GPA33: variants seen among roughly 807,000 people sequenced by gnomAD.
GPA33 encodes glycoprotein A33.
GPA33 carries 27 observed loss-of-function variants against 35.6 expected under a neutral mutation model. The ratio of observed to expected loss-of-function variants is 0.76; its 90% CI spans 0.56 to 1.04. GPA33 has a LOEUF of 1.04. Ranked by LOEUF, GPA33 falls within the 50% of genes least tolerant of loss-of-function variation. GPA33 has a pLI of 0.00. For missense variants in GPA33, 428 were observed against 411.9 expected (o/e 1.04, Z -0.34); for synonymous variants, 176 against 164.0 (o/e 1.07, Z -0.56).
At chr1:167,085,138 T>A (rs949943794) in intron 1 of GPA33, among the ~76,000 whole-genome samples, 1 of 152,112 alleles carries the variant, frequency 6.6e-6, no homozygotes, top group East Asian at 1.9e-4. Flanking sequence ...TGGGAATGGG[T>A]GGCAACTAAA....
At position 167,086,062 on chromosome 1, in the gene GPA33, G is replaced by A. The variant is rs78294089; in HGVS notation, c.43+4183C>T. On this transcript the variant is annotated intron_variant, in intron 1 of 6. Transcript: ENST00000367868. ...TTTGAACACCTAACCTTCTTAGACCGACCATTCATAACATCTTTTCTCCAT... is the reference window on the plus strand; with the variant it reads ...TTTGAACACCTAACCTTCTTAGACCAACCATTCATAACATCTTTTCTCCAT... Among the ~76,000 whole-genome samples, 683 of 152,284 alleles carry A rather than the reference G, an allele frequency of 4.5e-3. 5 individuals are homozygous for A. Among genetic ancestry groups the A allele is most frequent in the East Asian group, 0.024 (125 of 5,186 alleles).
intron 3 of GPA33, among the ~76,000 whole-genome samples, chr1:167,066,633 G>A (rs1270518061): frequency 6.6e-6 from 1 of 152,204 alleles, no homozygotes; most frequent in African/African-American, 2.4e-5. Flanking sequence ...ACACATGTGG[G>A]GCCCGTGAGA....
At position 167,068,964 on chromosome 1, in the gene GPA33, G is replaced by A. The variant is rs757682739; in HGVS notation, c.373C>T (p.Leu125=). 2.5e-6 allele frequency: 4 copies of A among 1,613,566 alleles called. No individual in the cohort carries two copies. In the African/African-American group the frequency reaches 4.0e-5, roughly 16 times the overall value. ...ACACGTGACTTGGTGTTGCCCTCCAGGTCTGACATCAGCGAGACAGAACAC... is the reference window on the plus strand; with the variant it reads ...ACACGTGACTTGGTGTTGCCCTCCAAGTCTGACATCAGCGAGACAGAACAC... ...YECSVSLMSD[L]EGNTKSRVRL... The change falls in exon 3 of 7, where the codon CTG becomes TTG. Residue 125 remains leucine (L), a synonymous_variant. Coordinates refer to ENST00000367868, the MANE Select transcript of GPA33 (RefSeq NM_005814.3).
chr1:167,057,271 A>G (rs1666328017), intron 4 of GPA33, among the ~76,000 whole-genome samples: 1 of 152,026 alleles, frequency 6.6e-6, no homozygotes, highest in Non-Finnish European at 1.5e-5. Flanking sequence ...CATCCTATGA[A>G]TTTCTTCATC....
intron 4 of GPA33, among the ~76,000 whole-genome samples, chr1:167,057,487 C>T (rs1034625532): frequency 1.3e-5 from 2 of 152,152 alleles, no homozygotes; most frequent in African/African-American, 4.8e-5. Flanking sequence ...CCTGTCACTG[C>T]TCTGTTCAGA....
intron 2 of GPA33, among the ~76,000 whole-genome samples, chr1:167,070,556 T>C (rs538320399): frequency 6.6e-6 from 1 of 152,300 alleles, no homozygotes; most frequent in African/African-American, 2.4e-5. Context: ...CCGGAGATTC[T>C]ACAATGCCAG....
At chr1:167,079,484 CAAAAAAA>C (rs59745946) in intron 1 of GPA33, among the ~76,000 whole-genome samples, 10 of 75,652 alleles carry the variant, frequency 1.3e-4, no homozygotes, top group South Asian at 5.0e-4. Flanking sequence ...ACTCCGTCTC[CAAAAAAA>C]AAAAAAAAAA....
Position 167,054,225 on chromosome 1 carries a change from T to C in GPA33, c.*109A>G, listed in dbSNP as rs1284871833. The C allele has an allele frequency of 1.5e-6, 2 of 1,364,736 alleles. No homozygotes were observed. The highest frequency in any genetic ancestry group is 2.3e-5 in the East Asian group (1 of 43,516). The allele number at this position is 1,364,736 out of a possible 1,614,324, so 84.5% of individuals were successfully genotyped here. ...ACTGGGGAAGAAATGTCCCCATCAA[T>C]GTCTGGGATGGAGGGACAGGAGAAC... On this transcript the variant is annotated 3_prime_UTR_variant, in exon 7 of 7. Transcript: ENST00000367868.
chr1:167,068,991 C>G lies in GPA33; in HGVS notation c.346G>C (p.Glu116Gln). The stretch of plus-strand genomic sequence containing the variant: ...TCTGACATCAGCGAGACAGAACACT[C>G]GTAGGTGCCGTTGTCAGCCATGGTC... ...QLTMADNGTYECSVSLMSDLE... is the reference protein window; with the variant it reads ...QLTMADNGTYQCSVSLMSDLE... The change falls in exon 3 of 7, where the codon GAG becomes CAG. Residue 116 changes from glutamate (E) to glutamine (Q), a missense_variant. Coordinates refer to ENST00000367868, the MANE Select transcript of GPA33 (RefSeq NM_005814.3). The G allele has an allele frequency of 6.2e-7, 1 of 1,614,036 alleles. No homozygotes were observed. Among genetic ancestry groups the G allele is most frequent in the Non-Finnish European group, 8.5e-7 (1 of 1,180,024 alleles).
At chr1:167,083,683 G>T (rs1666998386) in intron 1 of GPA33, among the ~76,000 whole-genome samples, 2 of 152,192 alleles carry the variant, frequency 1.3e-5, no homozygotes, top group Non-Finnish European at 2.9e-5. Context: ...CTGAGGAAGG[G>T]CCTTTTGAGC....
chr1:167,057,476 T>C (rs1666331903), intron 4 of GPA33, among the ~76,000 whole-genome samples: 1 of 152,158 alleles, frequency 6.6e-6, no homozygotes, highest in Admixed American at 6.5e-5. Context: ...GTAAATACGA[T>C]CCTGTCACTG....
At chr1:167,081,357 C>T (rs1666941817) in intron 1 of GPA33, among the ~76,000 whole-genome samples, 2 of 152,124 alleles carry the variant, frequency 1.3e-5, no homozygotes, top group African/African-American at 2.4e-5. Flanking sequence ...GACCAAGTAC[C>T]ATGTGCTGGT....
intron 4 of GPA33, among the ~76,000 whole-genome samples, chr1:167,057,315 A>G (rs542397626): frequency 1.8e-4 from 27 of 152,166 alleles, no homozygotes; most frequent in African/African-American, 2.4e-4. Flanking sequence ...GGGCATATGT[A>G]TATGTCCTGC....
rs756225618 is a variant in GPA33 at position 167,055,700 on chromosome 1, G to A, written c.691+30C>T. ...CCCCACCAGTTATCCTGTGGCGTTTGTCAGCCCTCCCCCCGCAGGCTGCTC... is the reference window on the plus strand; with the variant it reads ...CCCCACCAGTTATCCTGTGGCGTTTATCAGCCCTCCCCCCGCAGGCTGCTC... On this transcript the variant is annotated intron_variant, in intron 5 of 6. Coordinates refer to ENST00000367868, the MANE Select transcript of GPA33 (RefSeq NM_005814.3). 3 of 1,611,966 alleles carry A rather than the reference G, an allele frequency of 1.9e-6. No homozygotes were observed. The Admixed American group carries it at 5.0e-5, about 27-fold the overall frequency.
intron 1 of GPA33, among the ~76,000 whole-genome samples, chr1:167,085,872 A>G (rs181489700): frequency 2.6e-5 from 4 of 152,204 alleles, no homozygotes; most frequent in Non-Finnish European, 4.4e-5. Context: ...CATCAGAATC[A>G]CCTGAGTAAC....
intron 1 of GPA33, 148 bp downstream of exon 1, chr1:167,090,097 T>A: frequency 1.5e-6 from 1 of 653,024 alleles, no homozygotes; most frequent in Non-Finnish European, 2.8e-6. Flanking sequence ...TGGGCACTGG[T>A]CCGGAATGTG....
At chr1:167,082,358 G>T (rs1242134881) in intron 1 of GPA33, 1 of 452,740 alleles carries the variant, frequency 2.2e-6, no homozygotes. Flanking sequence ...CCAACTAGGA[G>T]GTGAAAAAGT....
chr1:167,054,957 T>C lies in GPA33; in HGVS notation c.827+19A>G. ...GTCTCCCCAGACCCTTCCAACAGGC[T>C]ACCAGCCCAGACACTCACGGCCTTG... On this transcript the variant is annotated intron_variant, in intron 6 of 6. Transcript: ENST00000367868. 1 of 1,613,926 alleles carries C rather than the reference T, an allele frequency of 6.2e-7. No homozygotes were observed.
chr1:167,063,470 A>G (rs1666511231), intron 4 of GPA33, 112 bp downstream of exon 4: 1 of 864,796 alleles, frequency 1.2e-6, no homozygotes, highest in South Asian at 1.7e-5. Flanking sequence ...GTAGGGAAGC[A>G]AGCGGCCTTC....
Sources: gnomAD v4.1 joint callset for allele counts (sites outside exome capture counted in the v4.1 genomes callset) on GRCh38, gnomAD v4.1.1 for gene constraint, MANE v1.5 for transcripts, NCBI Gene and HGNC (gene_info 2026-07-23, HGNC 2026-07-21) for gene names.